The following SYNE2 variants were observed in gnomAD, a reference collection of about 807,000 sequenced individuals.
SYNE2 encodes nesprin-2.
SYNE2 carries 431 observed loss-of-function variants against 856.3 expected under a neutral mutation model. The ratio of observed to expected loss-of-function variants is 0.50; its 90% CI spans 0.47 to 0.55. The LOEUF is 0.55. SYNE2 is among the 20% of genes least tolerant of loss of function. The pLI, the probability that SYNE2 is intolerant of heterozygous loss-of-function variation, is 0.00. For missense variants in SYNE2, 8,129 were observed against 8,023.2 expected (o/e 1.01, Z -0.50); for synonymous variants, 2,923 against 2,872.3 (o/e 1.02, Z -0.56).
intron 49 of SYNE2, among the ~76,000 whole-genome samples, chr14:64,060,218 C>A (rs567308636): frequency 6.6e-6 from 1 of 152,286 alleles, no homozygotes; most frequent in South Asian, 2.1e-4. Flanking sequence ...CAGAAATGGC[C>A]TCTCCTGGTA....
rs765334743 is a variant in SYNE2, at chr14:64,021,422, T to C, written c.5259T>C (p.Asp1753=). The change falls in exon 36 of 116, where the codon GAT becomes GAC. Residue 1753 remains aspartate, a synonymous_variant. Coordinates refer to ENST00000555002, the MANE Select transcript of SYNE2 (RefSeq NM_182914.3). ...LSGSTAELRE[D]LDQAKTQIGM... ...GCAGCACTGCTGAGCTAAGGGAGGA[T>C]CTCGACCAAGCCAAGACCCAGATCG... The C allele has an allele frequency of 6.2e-7, 1 of 1,614,144 alleles. No homozygotes were observed. Among genetic ancestry groups the C allele is most frequent in the Non-Finnish European group, 8.5e-7 (1 of 1,180,026 alleles).
chr14:63,954,697 T>G, intron 7 of SYNE2, 22 bp from the exon 8 acceptor site: 1 of 1,609,514 alleles, frequency 6.2e-7, no homozygotes, highest in Non-Finnish European at 8.5e-7. Flanking sequence ...GTATTTGTCA[T>G]GTTTTTGTCT....
In SYNE2 at chr14:64,226,209, G is replaced by C. The variant is rs2098717630; in HGVS notation, c.*683G>C. 3 of 152,678 alleles carry C rather than the reference G, an allele frequency of 2.0e-5. No homozygotes were observed. Among genetic ancestry groups the C allele is most frequent in the South Asian group, 4.2e-4 (2 of 4,812 alleles). The allele number at this position is 152,678 out of a possible 1,614,324, so 9.5% of individuals were successfully genotyped here. On this transcript the variant is annotated 3_prime_UTR_variant, in exon 116 of 116. Transcript: ENST00000555002. ...TTTTTAAAAAAATTAGATTTTAGCT[G>C]GAGCTTTTGACTAATGTAAAGTAAA... is the stretch of plus-strand genomic sequence containing the variant.
chr14:63,861,947 T>G (rs1004249287), intron 1 of SYNE2, among the ~76,000 whole-genome samples: 1 of 152,208 alleles, frequency 6.6e-6, no homozygotes, highest in South Asian at 2.1e-4. Context: ...AATAGTAAAA[T>G]GTACTATTGC....
chr14:64,064,484 C>T (rs1257565336), intron 50 of SYNE2, among the ~76,000 whole-genome samples: 1 of 148,972 alleles, frequency 6.7e-6, no homozygotes, highest in African/African-American at 2.5e-5. Context: ...TTGTTAATCA[C>T]AAGTAACTGA....
chr14:63,880,461 G>A (rs894369561), intron 1 of SYNE2, among the ~76,000 whole-genome samples: 2 of 152,060 alleles, frequency 1.3e-5, no homozygotes, highest in African/African-American at 4.8e-5. Context: ...CAATAATGCT[G>A]TAAGACTTTG....
intron 99 of SYNE2, among the ~76,000 whole-genome samples, chr14:64,194,151 A>G (rs2098530435): frequency 6.6e-6 from 1 of 152,180 alleles, no homozygotes; most frequent in Non-Finnish European, 1.5e-5. Context: ...AAAGCACTAT[A>G]TATATGTTTG....
intron 1 of SYNE2, among the ~76,000 whole-genome samples, chr14:63,828,212 T>C (rs76086532): frequency 0.056 from 8,497 of 151,420 alleles, 263 homozygotes; most frequent in Middle Eastern, 0.099. Flanking sequence ...AAAAAATACA[T>C]ATTTGGGAAA....
At chr14:64,005,519 G>T (rs904265353) in intron 30 of SYNE2, among the ~76,000 whole-genome samples, 11 of 152,186 alleles carry the variant, frequency 7.2e-5, no homozygotes, top group Non-Finnish European at 1.2e-4. Flanking sequence ...ATTGTCCATT[G>T]TGTCAGTGGT....
chr14:64,183,680 G>A (rs901564332), intron 96 of SYNE2, among the ~76,000 whole-genome samples: 2 of 152,182 alleles, frequency 1.3e-5, no homozygotes, highest in Non-Finnish European at 2.9e-5. Flanking sequence ...TCGGGAGGCC[G>A]AGGCTGGCAG....
chr14:64,106,369 G>A (rs78238983), intron 64 of SYNE2, among the ~76,000 whole-genome samples: 6,350 of 152,080 alleles, frequency 0.042, 254 homozygotes, highest in East Asian at 0.22. Flanking sequence ...AAGAATATTG[G>A]CCGGGCATGG....
At chr14:64,039,382 C>G (rs966033534) in intron 45 of SYNE2, among the ~76,000 whole-genome samples, 1 of 152,138 alleles carries the variant, frequency 6.6e-6, no homozygotes, top group African/African-American at 2.4e-5. Context: ...AGACCATGCT[C>G]AGTCATTTAG....
upstream of SYNE2, among the ~76,000 whole-genome samples, chr14:63,850,927 T>C (rs2139957328): frequency 6.6e-6 from 1 of 152,284 alleles, no homozygotes; most frequent in African/African-American, 2.4e-5. Context: ...AGACATAGAA[T>C]GGAAATGAAT....
chr14:64,164,389 C>T (rs372897223), intron 89 of SYNE2, among the ~76,000 whole-genome samples: 4 of 152,106 alleles, frequency 2.6e-5, no homozygotes, highest in South Asian at 2.1e-4. Flanking sequence ...GGATTACAGA[C>T]GTGAGCCACT....
At chr14:64,127,311 A>G (rs2097957166) in intron 73 of SYNE2, among the ~76,000 whole-genome samples, 1 of 152,084 alleles carries the variant, frequency 6.6e-6, no homozygotes, top group Admixed American at 6.6e-5. Flanking sequence ...GTAGTAGCTC[A>G]TGCCTGTAAT....
chr14:64,040,979 A>C (rs1400345126), intron 45 of SYNE2, among the ~76,000 whole-genome samples: 1 of 152,140 alleles, frequency 6.6e-6, no homozygotes, highest in African/African-American at 2.4e-5. Flanking sequence ...TAGAGAAAAA[A>C]GATTACCTCT....
At chr14:64,209,078 C>T (rs543318167) in intron 101 of SYNE2, 133 bp downstream of exon 101, 34 of 1,152,128 alleles carry the variant, frequency 3.0e-5, no homozygotes, top group South Asian at 9.3e-5. Flanking sequence ...GAAGGCCCAA[C>T]GCTTATCAAA....
At chr14:64,219,040 C>G (rs940992805) in intron 109 of SYNE2, among the ~76,000 whole-genome samples, 168 bp from the exon 110 acceptor site, 3 of 151,346 alleles carry the variant, frequency 2.0e-5, no homozygotes, top group Non-Finnish European at 4.4e-5. Context: ...ATTCCACATT[C>G]CAGGAGAAGA....
intron 1 of SYNE2, among the ~76,000 whole-genome samples, chr14:63,829,179 G>A (rs1355907136): frequency 1.3e-5 from 2 of 152,088 alleles, no homozygotes; most frequent in Admixed American, 6.6e-5. Flanking sequence ...TTAGGAGGTC[G>A]AGGTGGGAGG....
Sources: allele counts gnomAD v4.1 joint callset (sites outside exome capture counted in the v4.1 genomes callset), GRCh38; gene constraint gnomAD v4.1.1; transcripts MANE v1.5; gene names NCBI Gene and HGNC (gene_info 2026-07-23, HGNC 2026-07-21).